AHCYL2: variants seen among roughly 807,000 people sequenced by gnomAD.
AHCYL2 encodes adenosylhomocysteinase like 2.
In AHCYL2, 28 loss-of-function variants were observed where a neutral mutation model predicts 81.4. The observed-to-expected ratio is 0.34, with a 90% CI of 0.25 to 0.47. The LOEUF (loss-of-function observed/expected upper bound fraction) is 0.47. AHCYL2 is among the 20% of genes least tolerant of loss of function. The probability of loss-of-function intolerance (pLI) is 1.00; values close to 1 mark genes in which losing one functional copy is unlikely to be tolerated. For missense variants in AHCYL2, 551 were observed against 785.1 expected, an observed-to-expected ratio of 0.70 and a Z score of 3.56; for synonymous variants, 272 against 290.2, an observed-to-expected ratio of 0.94 and a Z score of 0.64.
chr7:129,359,397 T>C (rs1159915197), intron 1 of AHCYL2, among the ~76,000 whole-genome samples: 1 of 152,184 alleles, frequency 6.6e-6, no homozygotes, highest in East Asian at 1.9e-4. Flanking sequence ...ACTGGGAATG[T>C]TCTAGTTTCT....
At chr7:129,370,570 C>G (rs958116159) in intron 1 of AHCYL2, among the ~76,000 whole-genome samples, 2 of 152,068 alleles carry the variant, frequency 1.3e-5, no homozygotes, top group African/African-American at 4.8e-5. Context: ...TGGTGGCGGG[C>G]GCCTATAGTC....
intron 1 of AHCYL2, among the ~76,000 whole-genome samples, chr7:129,242,227 T>C (rs1420800543): frequency 6.6e-6 from 1 of 152,182 alleles, no homozygotes; most frequent in Non-Finnish European, 1.5e-5. Flanking sequence ...CATCTCACTG[T>C]GTTGCCCAGT....
chr7:129,231,799 A>G (rs1470988003), intron 1 of AHCYL2, among the ~76,000 whole-genome samples: 2 of 152,210 alleles, frequency 1.3e-5, no homozygotes, highest in Non-Finnish European at 2.9e-5. Context: ...AACAGTTCCC[A>G]ACTCTAAAAT....
intron 1 of AHCYL2, among the ~76,000 whole-genome samples, chr7:129,334,004 A>G (rs1798510076): frequency 6.6e-6 from 1 of 152,084 alleles, no homozygotes. Flanking sequence ...CTTTTTTCCC[A>G]TATGAGTACA....
At chr7:129,310,193 A>T (rs1797603741) in intron 1 of AHCYL2, among the ~76,000 whole-genome samples, 1 of 151,854 alleles carries the variant, frequency 6.6e-6, no homozygotes, top group Non-Finnish European at 1.5e-5. Context: ...ATTCCCATTT[A>T]AAAAAAAGAA....
At chr7:129,382,774 C>T (rs918116143) in intron 2 of AHCYL2, among the ~76,000 whole-genome samples, 11 of 151,788 alleles carry the variant, frequency 7.2e-5, no homozygotes, top group African/African-American at 2.7e-4. Context: ...GGTGTGGTGG[C>T]ACATGCCTGT....
intron 1 of AHCYL2, among the ~76,000 whole-genome samples, chr7:129,316,579 T>G (rs1462013984): frequency 6.6e-6 from 1 of 152,222 alleles, no homozygotes; most frequent in Non-Finnish European, 1.5e-5. Flanking sequence ...GTCTTGTGAA[T>G]AAAGAGTTTT....
intron 1 of AHCYL2, among the ~76,000 whole-genome samples, chr7:129,237,979 C>G (rs917945383): frequency 6.6e-6 from 1 of 152,076 alleles, no homozygotes; most frequent in South Asian, 2.1e-4. Context: ...TTCGGCCTCC[C>G]AAAGTGCTGG....
intron 1 of AHCYL2, among the ~76,000 whole-genome samples, chr7:129,327,437 A>G (rs1203893775): frequency 6.6e-6 from 1 of 152,208 alleles, no homozygotes; most frequent in African/African-American, 2.4e-5. Flanking sequence ...ATAGCAGGTC[A>G]AGCAGACTAA....
chr7:129,373,599 CA>C (rs113448711), intron 1 of AHCYL2, among the ~76,000 whole-genome samples: 28 of 138,902 alleles, frequency 2.0e-4, no homozygotes, highest in Non-Finnish European at 1.7e-4. Flanking sequence ...GACTCAGTCT[CA>C]AAAAAAAAAA....
chr7:129,309,858 A>G (rs1797589309), intron 1 of AHCYL2, among the ~76,000 whole-genome samples: 1 of 151,888 alleles, frequency 6.6e-6, no homozygotes, highest in African/African-American at 2.4e-5. Flanking sequence ...CAGCTGTTAC[A>G]GACTTCTACT....
intron 2 of AHCYL2, among the ~76,000 whole-genome samples, chr7:129,382,251 A>G (rs893803938): frequency 1.2e-4 from 19 of 152,224 alleles, no homozygotes; most frequent in Non-Finnish European, 2.9e-5. Context: ...GACAAGACAT[A>G]TATGCAAATA....
intron 1 of AHCYL2, among the ~76,000 whole-genome samples, chr7:129,241,394 C>G (rs920354809): frequency 1.3e-5 from 2 of 152,002 alleles, no homozygotes; most frequent in African/African-American, 4.8e-5. Context: ...AGTTCGAGAC[C>G]AGCCTGGCCA....
At chr7:129,421,219 T>C (rs1408957207) in intron 12 of AHCYL2, among the ~76,000 whole-genome samples, 1 of 149,828 alleles carries the variant, frequency 6.7e-6, no homozygotes, top group Non-Finnish European at 1.5e-5. Context: ...GCCATTGCAC[T>C]GCAGCCTGGG....
In AHCYL2 at chr7:129,258,661, T is replaced by A. The variant is rs983911356; in HGVS notation, c.363+33222T>A. Among the ~76,000 whole-genome samples the A allele has an allele frequency of 4.0e-5, 6 of 151,492 alleles. No individual in the cohort carries two copies. The East Asian group carries it at 1.2e-3, about 29-fold the overall frequency. ...ATACCAGGTAAGATCTTGGATAGAA[T>A]GGAGTGTAGGAAACAAACAGTTCCT... On this transcript the variant is annotated intron_variant, in intron 1 of 16. Transcript: ENST00000325006.
At chr7:129,276,177 A>G (rs990284582) in intron 1 of AHCYL2, among the ~76,000 whole-genome samples, 5 of 152,284 alleles carry the variant, frequency 3.3e-5, no homozygotes, top group African/African-American at 4.8e-5. Context: ...AAGCCGAATG[A>G]TAATATAAAT....
At chr7:129,241,841 GACCCTATCTCTAT>G (rs773438502) in intron 1 of AHCYL2, among the ~76,000 whole-genome samples, 70 of 151,774 alleles carry the variant, frequency 4.6e-4, no homozygotes, top group Non-Finnish European at 8.1e-4. Context: ...AACATAGTGA[GACCCTATCTCTAT>G]TTTTTTTAAA....
intron 1 of AHCYL2, among the ~76,000 whole-genome samples, chr7:129,278,889 G>A (rs565699663): frequency 6.6e-6 from 1 of 151,618 alleles, no homozygotes; most frequent in East Asian, 1.9e-4. Context: ...ATGTGTGGGT[G>A]TATTTTTGGA....
chr7:129,273,684 T>C (rs1170453626), intron 1 of AHCYL2, among the ~76,000 whole-genome samples: 1 of 152,198 alleles, frequency 6.6e-6, no homozygotes, highest in African/African-American at 2.4e-5. Flanking sequence ...GATAAAGGGA[T>C]ATCTAGAGGT....
Sources: allele counts gnomAD v4.1 joint callset (sites outside exome capture counted in the v4.1 genomes callset), GRCh38; gene constraint gnomAD v4.1.1; transcripts MANE v1.5; gene names NCBI Gene and HGNC (gene_info 2026-07-23, HGNC 2026-07-21).